The following ASTN2 variants were observed in gnomAD, a reference collection of about 807,000 sequenced individuals.
The protein encoded by ASTN2 is astrotactin-2.
Under a neutral mutation model 139.8 loss-of-function variants are expected in ASTN2, and 54 were observed. The observed-to-expected ratio is 0.39, with a 90% CI of 0.31 to 0.48. The LOEUF (loss-of-function observed/expected upper bound fraction) is 0.48. Ranked by LOEUF, ASTN2 falls within the 20% of genes least tolerant of loss-of-function variation. The pLI, the probability that ASTN2 is intolerant of heterozygous loss-of-function variation, is 0.95. For synonymous variants in ASTN2, 756 were observed against 719.5 expected (o/e 1.05, Z -0.81); for missense variants, 1,565 against 1,725.1 (o/e 0.91, Z 1.64).
chr9:116,913,070 A>C (rs998110113), intron 10 of ASTN2, among the ~76,000 whole-genome samples: 2 of 152,060 alleles, frequency 1.3e-5, no homozygotes, highest in Non-Finnish European at 2.9e-5. Context: ...CACATGGCTA[A>C]TTTTTGCATC....
intron 19 of ASTN2, among the ~76,000 whole-genome samples, chr9:116,555,197 C>T (rs1336947976): frequency 1.3e-5 from 2 of 152,096 alleles, no homozygotes; most frequent in East Asian, 3.9e-4. Flanking sequence ...CTTTAGAGGC[C>T]ACAGAAAACA....
intron 10 of ASTN2, among the ~76,000 whole-genome samples, chr9:116,903,450 G>A (rs963450443): frequency 5.9e-5 from 9 of 152,114 alleles, no homozygotes; most frequent in East Asian, 3.9e-4. Context: ...CATCTCACAC[G>A]TACCTCTTGC....
chr9:116,792,483 A>G (rs540151665), intron 13 of ASTN2, among the ~76,000 whole-genome samples: 1 of 152,180 alleles, frequency 6.6e-6, no homozygotes, highest in South Asian at 2.1e-4. Context: ...CAGGCACCCA[A>G]CCGTGGCTTC....
At chr9:116,496,256 A>G (rs1467309887) in intron 19 of ASTN2, among the ~76,000 whole-genome samples, 1 of 152,198 alleles carries the variant, frequency 6.6e-6, no homozygotes, top group African/African-American at 2.4e-5. Context: ...TGGTGTCTGT[A>G]CACAGTAGGT....
intron 11 of ASTN2, among the ~76,000 whole-genome samples, chr9:116,837,944 C>A (rs557108224): frequency 1.5e-3 from 224 of 152,202 alleles, no homozygotes; most frequent in African/African-American, 5.2e-3. Flanking sequence ...TTGAGCTAGT[C>A]CCTTGGCTTG....
intron 10 of ASTN2, among the ~76,000 whole-genome samples, chr9:116,973,866 T>C (rs1385785335): frequency 6.6e-6 from 1 of 152,220 alleles, no homozygotes; most frequent in Non-Finnish European, 1.5e-5. Flanking sequence ...CATCCTCTTT[T>C]GGGAAATGCT....
rs1161653585 is a variant in ASTN2, at chr9:116,862,401, T to A, written c.2040+1182A>T. 2.0e-5 allele frequency among the ~76,000 whole-genome samples: 3 copies of A among 152,212 alleles called. No individual in the cohort carries two copies. The East Asian group carries it at 5.8e-4, about 29-fold the overall frequency. On this transcript the variant is annotated intron_variant, in intron 11 of 22. Transcript: ENST00000313400. Reference sequence around the variant, plus strand: ...AGAAACATAAACTGAAAAACCAGTCTGTGCTATAACGTGTCACAGGTGACT... The same window carrying A: ...AGAAACATAAACTGAAAAACCAGTCAGTGCTATAACGTGTCACAGGTGACT...
chr9:116,830,305 T>A (rs897414830), intron 11 of ASTN2, among the ~76,000 whole-genome samples: 1 of 152,164 alleles, frequency 6.6e-6, no homozygotes, highest in Admixed American at 6.5e-5. Flanking sequence ...CCAGTCAGAA[T>A]GGCTACTATT....
intron 16 of ASTN2, among the ~76,000 whole-genome samples, chr9:116,680,252 G>A (rs1376959210): frequency 2.0e-5 from 3 of 152,232 alleles, no homozygotes; most frequent in East Asian, 1.9e-4. Flanking sequence ...ACACCTCTAC[G>A]CAAATAAACT....
At chr9:116,770,521 G>C (rs758588711) in intron 13 of ASTN2, among the ~76,000 whole-genome samples, 1 of 152,146 alleles carries the variant, frequency 6.6e-6, no homozygotes, top group African/African-American at 2.4e-5. Flanking sequence ...GTTGATCCAA[G>C]GTTTCATGAG....
chr9:116,642,132 C>CCAAAAAAAAAAA lies in ASTN2; in HGVS notation c.3072+9395_3072+9396insTTTTTTTTTTTG, dbSNP rs1554724602. Among the ~76,000 whole-genome samples, 23 of 48,926 alleles carry CCAAAAAAAAAAA rather than the reference C, an allele frequency of 4.7e-4. 4 individuals carry two copies. Among genetic ancestry groups the CCAAAAAAAAAAA allele is most frequent in the South Asian group, 1.2e-3 (1 of 838 alleles). 32.1% of individuals were successfully genotyped at this position (48,926 alleles called of 152,430 possible). A position where few individuals can be genotyped will look rare whatever the true frequency, so the allele number is the denominator to read the frequency against. On this transcript the variant is annotated intron_variant, in intron 17 of 22. Coordinates refer to ENST00000313400, the MANE Select transcript of ASTN2 (RefSeq NM_001365068.1). ...TGGGAAAATGAAGGCTCCCAACCCA[C>CCAAAAAAAAAAA]AAAAAAAAAAAAACAAAAAAAAACA...
At chr9:117,317,722 GCC>G (rs1322289934) in intron 1 of ASTN2, among the ~76,000 whole-genome samples, 1 of 152,134 alleles carries the variant, frequency 6.6e-6, no homozygotes, top group African/African-American at 2.4e-5. Flanking sequence ...TCCATCACCA[GCC>G]ATTGACATCA....
chr9:117,087,365 G>C (rs1828593599), intron 5 of ASTN2, among the ~76,000 whole-genome samples: 1 of 152,006 alleles, frequency 6.6e-6, no homozygotes, highest in Non-Finnish European at 1.5e-5. Context: ...CTCCTGAGTA[G>C]CTGAAATTAA....
chr9:117,141,072 G>C (rs924981512), intron 4 of ASTN2, among the ~76,000 whole-genome samples: 2 of 152,114 alleles, frequency 1.3e-5, no homozygotes, highest in African/African-American at 2.4e-5. Context: ...TCCATATATA[G>C]TTGCTAATCT....
At chr9:117,144,192 G>A (rs1421747693) in intron 3 of ASTN2, among the ~76,000 whole-genome samples, 2 of 152,120 alleles carry the variant, frequency 1.3e-5, no homozygotes, top group East Asian at 1.9e-4. Flanking sequence ...CTGCAGGCCA[G>A]GAAGAGGGCC....
intron 20 of ASTN2, among the ~76,000 whole-genome samples, chr9:116,448,710 T>G (rs1484339116): frequency 6.6e-6 from 1 of 152,214 alleles, no homozygotes; most frequent in East Asian, 1.9e-4. Flanking sequence ...GACAAGAGTT[T>G]TATCTTGTGG....
At chr9:117,123,997 T>C (rs144119565) in intron 4 of ASTN2, among the ~76,000 whole-genome samples, 7 of 152,268 alleles carry the variant, frequency 4.6e-5, no homozygotes, top group Non-Finnish European at 8.8e-5. Flanking sequence ...CGAACAATAT[T>C]TGTTGAATTG....
intron 2 of ASTN2, among the ~76,000 whole-genome samples, chr9:117,287,276 G>A (rs1215742270): frequency 1.3e-5 from 2 of 152,150 alleles, no homozygotes; most frequent in African/African-American, 4.8e-5. Flanking sequence ...AGGACACAAA[G>A]GTAGTGATAG....
chr9:116,961,183 C>T (rs1038573199), intron 10 of ASTN2, among the ~76,000 whole-genome samples: 4 of 150,144 alleles, frequency 2.7e-5, no homozygotes, highest in Non-Finnish European at 4.4e-5. Context: ...TCCCCCCACC[C>T]AGCCCCCCAC....
Sources: gnomAD v4.1 joint callset for allele counts (sites outside exome capture counted in the v4.1 genomes callset) on GRCh38, gnomAD v4.1.1 for gene constraint, MANE v1.5 for transcripts, NCBI Gene and HGNC (gene_info 2026-07-23, HGNC 2026-07-21) for gene names.